The following ADAM10 variants were observed in gnomAD, a reference collection of about 807,000 sequenced individuals.
The protein encoded by ADAM10 is disintegrin and metalloproteinase domain-containing protein 10.
Under a neutral mutation model 90.1 loss-of-function variants are expected in ADAM10, and 17 were observed. The observed-to-expected ratio is 0.19, with a 90% CI of 0.13 to 0.28. ADAM10 has a LOEUF of 0.28. ADAM10 is among the 10% of genes least tolerant of loss of function. The pLI, the probability that ADAM10 is intolerant of heterozygous loss-of-function variation, is 1.00. For synonymous variants in ADAM10, 310 were observed against 298.6 expected (o/e 1.04, Z -0.40); for missense variants, 610 against 914.3 (o/e 0.67, Z 4.29).
At chr15:58,690,569 G>A (rs1411334052) in intron 2 of ADAM10, among the ~76,000 whole-genome samples, 2 of 152,134 alleles carry the variant, frequency 1.3e-5, no homozygotes, top group African/African-American at 4.8e-5. Flanking sequence ...TCAAAGTAGA[G>A]AGGGAATGGG....
At chr15:58,655,691 A>ATAT (rs1896795340) in intron 5 of ADAM10, among the ~76,000 whole-genome samples, 1 of 81,122 alleles carries the variant, frequency 1.2e-5, no homozygotes, top group African/African-American at 7.8e-5. Flanking sequence ...TATATATTAT[A>ATAT]TATAGTATAT....
intron 4 of ADAM10, among the ~76,000 whole-genome samples, chr15:58,666,121 G>A (rs936328640): frequency 6.6e-6 from 1 of 151,396 alleles, no homozygotes; most frequent in East Asian, 2.0e-4. Flanking sequence ...ACATCAGTGA[G>A]ACCCTTTAAT....
chr15:58,657,477 A>G (rs12917500), intron 5 of ADAM10, among the ~76,000 whole-genome samples: 1 of 151,650 alleles, frequency 6.6e-6, no homozygotes, highest in Admixed American at 6.6e-5. Context: ...TTACTAAGAG[A>G]CTCTGATGCA....
chr15:58,694,633 C>A (rs756760946), intron 2 of ADAM10, among the ~76,000 whole-genome samples: 1 of 151,812 alleles, frequency 6.6e-6, no homozygotes, highest in Non-Finnish European at 1.5e-5. Flanking sequence ...TAACTGAACA[C>A]AAATGTTAGC....
At chr15:58,697,677 A>G (rs1898017388) in intron 2 of ADAM10, among the ~76,000 whole-genome samples, 1 of 152,106 alleles carries the variant, frequency 6.6e-6, no homozygotes. Context: ...TACGCTGCCC[A>G]GGAGCCTGAG....
chr15:58,611,511 T>C lies in ADAM10; in HGVS notation c.1695+297A>G, dbSNP rs1895436951. ...TTCAGAGAAGATGACCAAAGAGTTC[T>C]TTTATTTAGGCTACTGAAATATTAT... On this transcript the variant is annotated intron_variant, in intron 12 of 15. Transcript: ENST00000260408. 8 of 343,206 alleles carry C rather than the reference T, an allele frequency of 2.3e-5. No individual in the cohort carries two copies. The South Asian group carries it at 3.2e-4, about 14-fold the overall frequency. 21.3% of individuals were successfully genotyped at this position (343,206 alleles called of 1,614,324 possible).
At chr15:58,739,105 T>C (rs1210114891) in intron 1 of ADAM10, among the ~76,000 whole-genome samples, 2 of 152,166 alleles carry the variant, frequency 1.3e-5, no homozygotes, top group Non-Finnish European at 2.9e-5. Context: ...AAAGGGCTCC[T>C]CCCTACTAAA....
chr15:58,628,665 T>C (rs528672919), intron 9 of ADAM10, among the ~76,000 whole-genome samples: 1 of 152,292 alleles, frequency 6.6e-6, no homozygotes, highest in Admixed American at 6.5e-5. Flanking sequence ...ATCCTGGGGA[T>C]ATGCACTAAA....
chr15:58,671,640 G>A (rs979895174), intron 4 of ADAM10, among the ~76,000 whole-genome samples: 16 of 152,100 alleles, frequency 1.1e-4, no homozygotes, highest in African/African-American at 3.9e-4. Context: ...TTAGGAGTCC[G>A]CGGCAGGAGG....
chr15:58,628,719 A>C (rs1215937703), intron 9 of ADAM10, among the ~76,000 whole-genome samples: 4 of 152,202 alleles, frequency 2.6e-5, no homozygotes, highest in Non-Finnish European at 5.9e-5. Context: ...ACACATCAGA[A>C]GGGGCAAAAA....
chr15:58,692,034 T>C, intron 2 of ADAM10: 1 of 465,558 alleles, frequency 2.1e-6, no homozygotes, highest in Non-Finnish European at 4.3e-6. Flanking sequence ...GCTGGAGCAT[T>C]TCCCGGGAGA....
At chr15:58,682,054 C>A in intron 3 of ADAM10, 142 bp downstream of exon 3, 1 of 1,145,938 alleles carries the variant, frequency 8.7e-7, no homozygotes, top group Non-Finnish European at 1.2e-6. Context: ...CTTCATTTCT[C>A]AAAGACCATT....
intron 7 of ADAM10, among the ~76,000 whole-genome samples, chr15:58,643,235 G>T (rs1306905011): frequency 6.6e-6 from 1 of 151,544 alleles, no homozygotes; most frequent in Non-Finnish European, 1.5e-5. Flanking sequence ...CTCATACTAC[G>T]TGACCCTATG....
intron 1 of ADAM10, among the ~76,000 whole-genome samples, chr15:58,746,449 G>T (rs1326595072): frequency 6.6e-6 from 1 of 152,180 alleles, no homozygotes; most frequent in Non-Finnish European, 1.5e-5. Context: ...CATTAATGTA[G>T]GCAATGGTAC....
intron 2 of ADAM10, among the ~76,000 whole-genome samples, chr15:58,713,124 G>C (rs574767654): frequency 6.6e-6 from 1 of 152,270 alleles, no homozygotes; most frequent in African/African-American, 2.4e-5. Context: ...TGTTGAGACA[G>C]GGTCTCACTC....
Position 58,694,158 on chromosome 15 carries a change from AT to A in ADAM10, c.207-11845del, listed in dbSNP as rs1457288653. Among the ~76,000 whole-genome samples the A allele has an allele frequency of 2.0e-5, 3 of 152,340 alleles. No homozygotes were observed. The East Asian group carries it at 5.8e-4, about 29-fold the overall frequency. On this transcript the variant is annotated intron_variant, in intron 2 of 15. Transcript: ENST00000260408. ...AGCACTTTCTTACAAAGTCAAACAT[AT>A]AAAAACCAGGCCAGGCACAGTGGCT...
chr15:58,717,513 C>A, intron 2 of ADAM10, 64 bp downstream of exon 2: 2 of 1,587,892 alleles, frequency 1.3e-6, no homozygotes, highest in Non-Finnish European at 1.7e-6. Flanking sequence ...GGATATAAAT[C>A]TCCTCTTTAA....
chr15:58,620,550 T>C (rs12594872), intron 11 of ADAM10, among the ~76,000 whole-genome samples: 83,539 of 151,840 alleles, frequency 0.55, 26,050 homozygotes, highest in East Asian at 0.94. Context: ...AGTTATAACT[T>C]GCCAAGTTAG....
At chr15:58,636,276 CAAAAAA>C (rs1188741361) in intron 8 of ADAM10, among the ~76,000 whole-genome samples, 2 of 83,576 alleles carry the variant, frequency 2.4e-5, no homozygotes, top group Admixed American at 1.3e-4. Context: ...GACTTCGTTT[CAAAAAA>C]AAAAAAAAAG....
Sources: allele counts gnomAD v4.1 joint callset (sites outside exome capture counted in the v4.1 genomes callset), GRCh38; gene constraint gnomAD v4.1.1; transcripts MANE v1.5; gene names NCBI Gene and HGNC (gene_info 2026-07-23, HGNC 2026-07-21).